MIPOL1: variants seen among roughly 807,000 people sequenced by gnomAD.
The protein encoded by MIPOL1 is mirror-image polydactyly 1.
In MIPOL1, 57 loss-of-function variants were observed where a neutral mutation model predicts 60.9. That is an observed-to-expected ratio of 0.94 (90% CI 0.76 to 1.17). The LOEUF (loss-of-function observed/expected upper bound fraction) is 1.17, where lower values mean the gene tolerates loss of function less well. MIPOL1 is among the 50% of genes most tolerant of loss of function. The pLI, the probability that MIPOL1 is intolerant of heterozygous loss-of-function variation, is 0.00. For missense variants in MIPOL1, 551 were observed against 511.6 expected (o/e 1.08, Z -0.74); for synonymous variants, 179 against 168.8 (o/e 1.06, Z -0.47).
chr14:37,479,523 T>G (rs1040648229), intron 11 of MIPOL1, among the ~76,000 whole-genome samples: 3 of 151,984 alleles, frequency 2.0e-5, no homozygotes. Context: ...ATACCAAAGC[T>G]TATGGTGTAG....
chr14:37,305,717 C>A (rs1260859498), intron 7 of MIPOL1, among the ~76,000 whole-genome samples: 1 of 151,818 alleles, frequency 6.6e-6, no homozygotes, highest in Non-Finnish European at 1.5e-5. Flanking sequence ...TTGAAAGTTA[C>A]TTGCATCTAT....
At chr14:37,359,240 TG>T (rs1256221339) in intron 9 of MIPOL1, among the ~76,000 whole-genome samples, 13 of 152,222 alleles carry the variant, frequency 8.5e-5, no homozygotes, top group Non-Finnish European at 1.9e-4. Flanking sequence ...ACTGTAGCCT[TG>T]TAGTGTAGTT....
intron 11 of MIPOL1, among the ~76,000 whole-genome samples, chr14:37,487,302 G>T (rs988969803): frequency 6.6e-6 from 1 of 151,978 alleles, no homozygotes; most frequent in Middle Eastern, 3.4e-3. Context: ...TTTTCTTTTT[G>T]TTTTGTTTGT....
At position 37,308,381 on chromosome 14, in the gene MIPOL1, T is replaced by A; in HGVS notation, c.690T>A (p.Asn230Lys). 3 of 1,588,468 alleles carry A rather than the reference T, an allele frequency of 1.9e-6. No homozygotes were observed. The South Asian group carries it at 3.5e-5, about 18-fold the overall frequency. ...TLQELLNRIN[N>K]ADTGIAIQKN... Reference sequence around the variant, plus strand: ...AGGAATTACTGAACAGAATAAACAATGCAGACACAGGGATAGCTATTCAGA... The same window carrying A: ...AGGAATTACTGAACAGAATAAACAAAGCAGACACAGGGATAGCTATTCAGA... The change falls in exon 9 of 13, where the codon AAT (asparagine) becomes AAA (lysine). Residue 230 changes from asparagine to lysine, a missense_variant. Asn to Lys is a moderately conservative substitution (Grantham distance 94, BLOSUM62 0). Transcript: ENST00000684589.
intron 1 of MIPOL1, among the ~76,000 whole-genome samples, chr14:37,232,193 A>G (rs570284975): frequency 3.3e-5 from 5 of 152,368 alleles, no homozygotes; most frequent in Non-Finnish European, 7.3e-5. Context: ...ATACAATGTT[A>G]TAAAGACACA....
At chr14:37,253,020 T>C (rs1242266783) in intron 3 of MIPOL1, among the ~76,000 whole-genome samples, 1 of 151,822 alleles carries the variant, frequency 6.6e-6, no homozygotes, top group Non-Finnish European at 1.5e-5. Flanking sequence ...ATTAAAGGTT[T>C]TGAAAATGTC....
At chr14:37,401,215 G>T (rs559768593) in intron 10 of MIPOL1, 2 of 152,106 alleles carry the variant, frequency 1.3e-5, no homozygotes, top group South Asian at 4.1e-4. Context: ...GTAAGTGCAG[G>T]AGCAAAAGGA....
At chr14:37,201,445 GA>G (rs1245709224) in intron 1 of MIPOL1, among the ~76,000 whole-genome samples, 3 of 152,128 alleles carry the variant, frequency 2.0e-5, no homozygotes, top group African/African-American at 7.2e-5. Flanking sequence ...AAAAGGCTAG[GA>G]AAGAAAAGGA....
rs140240596 is a variant in MIPOL1 at position 37,331,888 on chromosome 14, C to T, written c.828+23369C>T. 8.7e-3 allele frequency among the ~76,000 whole-genome samples: 1,329 copies of T among 152,236 alleles called. 8 individuals carry two copies. Among genetic ancestry groups the T allele is most frequent in the Middle Eastern group, 0.031 (9 of 294 alleles). ...CTTTCAGGCCAGGCACGGTGCTTCACGCCTGTAATCCCAGCACTTTGAGAG... is the reference window on the plus strand; with the variant it reads ...CTTTCAGGCCAGGCACGGTGCTTCATGCCTGTAATCCCAGCACTTTGAGAG... On this transcript the variant is annotated intron_variant, in intron 9 of 12. Transcript: ENST00000684589.
At chr14:37,264,022 T>G (rs755229550) in intron 3 of MIPOL1, among the ~76,000 whole-genome samples, 15 of 152,172 alleles carry the variant, frequency 9.9e-5, no homozygotes, top group Admixed American at 3.3e-4. Flanking sequence ...GCAGTTCTTT[T>G]TAAAGTGATG....
At chr14:37,208,844 G>C (rs1966515888) in intron 1 of MIPOL1, among the ~76,000 whole-genome samples, 1 of 152,140 alleles carries the variant, frequency 6.6e-6, no homozygotes, top group African/African-American at 2.4e-5. Context: ...TCCCACCTCA[G>C]CCTCCCAAAG....
At chr14:37,444,775 G>A (rs572534283) in intron 11 of MIPOL1, among the ~76,000 whole-genome samples, 8 of 152,182 alleles carry the variant, frequency 5.3e-5, no homozygotes, top group African/African-American at 1.2e-4. Context: ...TTCAATATAC[G>A]CAAATCAGTA....
chr14:37,340,817 A>G (rs1057319995), intron 9 of MIPOL1, among the ~76,000 whole-genome samples: 2 of 152,302 alleles, frequency 1.3e-5, no homozygotes, highest in African/African-American at 4.8e-5. Context: ...GTGTACAAAA[A>G]TGTCCTAGGC....
At chr14:37,438,659 G>A (rs1490617526) in intron 11 of MIPOL1, among the ~76,000 whole-genome samples, 1 of 152,174 alleles carries the variant, frequency 6.6e-6, no homozygotes, top group Admixed American at 6.5e-5. Context: ...CTGAGACCAT[G>A]TTAAAGGCAG....
chr14:37,377,254 T>A (rs2180252), intron 10 of MIPOL1, among the ~76,000 whole-genome samples: 147,497 of 152,256 alleles, frequency 0.97, 71,519 homozygotes, highest in East Asian at 1. Flanking sequence ...TACCAGTGAG[T>A]CATAAAAGCG....
At chr14:37,220,041 G>A (rs1296969768) in intron 1 of MIPOL1, among the ~76,000 whole-genome samples, 1 of 151,982 alleles carries the variant, frequency 6.6e-6, no homozygotes, top group Non-Finnish European at 1.5e-5. Context: ...GGTAGTTTTT[G>A]GAATGTTTTT....
intron 11 of MIPOL1, among the ~76,000 whole-genome samples, chr14:37,473,854 CATACTAAA>C (rs146367877): frequency 0.17 from 25,066 of 151,446 alleles, 3,846 homozygotes; most frequent in African/African-American, 0.4. Flanking sequence ...AGAGTTTCAC[CATACTAAA>C]ATACTAAAAT....
chr14:37,277,780 A>C (rs1474163567), intron 6 of MIPOL1: 3 of 151,384 alleles, frequency 2.0e-5, no homozygotes, highest in Admixed American at 6.6e-5. Context: ...TTAAGTAATT[A>C]GGTGTGTATA....
At chr14:37,324,582 A>G (rs531750289) in intron 9 of MIPOL1, among the ~76,000 whole-genome samples, 2 of 152,100 alleles carry the variant, frequency 1.3e-5, no homozygotes, top group South Asian at 4.1e-4. Context: ...GATGACATCT[A>G]ATTTATCAGT....
Sources: gnomAD v4.1 joint callset for allele counts (sites outside exome capture counted in the v4.1 genomes callset) on GRCh38, gnomAD v4.1.1 for gene constraint, MANE v1.5 for transcripts, NCBI Gene and HGNC (gene_info 2026-07-23, HGNC 2026-07-21) for gene names.